CHRM2: variants seen among roughly 807,000 people sequenced by gnomAD.
CHRM2 encodes cholinergic receptor muscarinic 2.
CHRM2 carries 8 observed loss-of-function variants against 25.0 expected under a neutral mutation model. The observed-to-expected ratio is 0.32, with a 90% confidence interval of 0.19 to 0.58. CHRM2 has a LOEUF of 0.58. CHRM2 is among the 20% of genes least tolerant of loss of function. The pLI is 0.88. For missense variants in CHRM2, 440 were observed against 567.1 expected (o/e 0.78, Z 2.28); for synonymous variants, 202 against 205.7 (o/e 0.98, Z 0.15).
At chr7:136,952,197 G>A (rs1434867060) in intron 2 of CHRM2, among the ~76,000 whole-genome samples, 1 of 152,102 alleles carries the variant, frequency 6.6e-6, no homozygotes, top group Non-Finnish European at 1.5e-5. Flanking sequence ...ATTTGGAACA[G>A]GACAAATAAT....
In CHRM2 at chr7:136,932,912, C is replaced by T. The variant is rs541646231; in HGVS notation, c.-124-59275C>T. Reference sequence around the variant, plus strand: ...GGGCATGGTGGCGTGCACCTGTAGTCCCAGCTACTCAGGAGGCTGAGGCAG... The same window carrying T: ...GGGCATGGTGGCGTGCACCTGTAGTTCCAGCTACTCAGGAGGCTGAGGCAG... On this transcript the variant is annotated intron_variant, in intron 2 of 3. Coordinates refer to ENST00000680005, the MANE Select transcript of CHRM2 (RefSeq NM_001006630.2). Among the ~76,000 whole-genome samples the T allele has an allele frequency of 4.9e-3, 751 of 152,210 alleles. 6 individuals carry two copies. The highest frequency in any genetic ancestry group is 0.017 in the African/African-American group (703 of 41,534).
intron 2 of CHRM2, among the ~76,000 whole-genome samples, chr7:136,990,392 T>C (rs189227947): frequency 6.6e-6 from 1 of 152,266 alleles, no homozygotes; most frequent in East Asian, 1.9e-4. Context: ...TCCCTGGCAA[T>C]TTCTGCCCAC....
intron 2 of CHRM2, among the ~76,000 whole-genome samples, chr7:136,953,713 C>T (rs1183535427): frequency 2.9e-5 from 4 of 139,014 alleles, no homozygotes; most frequent in Non-Finnish European, 3.1e-5. Context: ...AGCAGGCATC[C>T]TATGCCTTAA....
intron 2 of CHRM2, among the ~76,000 whole-genome samples, chr7:136,969,793 T>C (rs1386687154): frequency 1.3e-5 from 2 of 152,230 alleles, no homozygotes; most frequent in African/African-American, 4.8e-5. Flanking sequence ...CATTATTGTT[T>C]CAAAACCAAT....
At chr7:136,936,120 C>T (rs1013340394) in intron 2 of CHRM2, among the ~76,000 whole-genome samples, 1 of 151,934 alleles carries the variant, frequency 6.6e-6, no homozygotes, top group East Asian at 1.9e-4. Flanking sequence ...GTTTGGGTAG[C>T]GGAGATATTT....
In CHRM2 at chr7:137,018,701, T is replaced by C. The variant is rs1805298427; in HGVS notation, c.*2435T>C. On this transcript the variant is annotated 3_prime_UTR_variant, in exon 4 of 4. Coordinates refer to ENST00000680005, the MANE Select transcript of CHRM2 (RefSeq NM_001006630.2). ...ATCCTTCCTTTTCCTCCCTCTGTTATTGATCCTTGCCACAGCCACTGCAAC... is the reference window on the plus strand; with the variant it reads ...ATCCTTCCTTTTCCTCCCTCTGTTACTGATCCTTGCCACAGCCACTGCAAC... The C allele has an allele frequency of 1.3e-5, 2 of 151,892 alleles. No homozygotes were observed. The highest frequency in any genetic ancestry group is 2.1e-4 in the South Asian group (1 of 4,828). The allele number at this position is 151,892 out of a possible 1,614,324, so 9.4% of individuals were successfully genotyped here. A position where few individuals can be genotyped will look rare whatever the true frequency, so the allele number is the denominator to read the frequency against.
intron 2 of CHRM2, among the ~76,000 whole-genome samples, chr7:136,883,658 T>G (rs1443709762): frequency 6.6e-6 from 1 of 152,168 alleles, no homozygotes; most frequent in Admixed American, 6.5e-5. Context: ...ATAAAAACTC[T>G]TTCTTTGTTA....
intron 3 of CHRM2, among the ~76,000 whole-genome samples, chr7:137,000,933 T>C (rs1254176430): frequency 1.3e-5 from 2 of 152,204 alleles, no homozygotes; most frequent in Non-Finnish European, 2.9e-5. Flanking sequence ...TAAGGGTTTG[T>C]TTTGTTTGAG....
chr7:136,902,669 T>C, intron 2 of CHRM2: 1 of 169,782 alleles, frequency 5.9e-6, no homozygotes, highest in Non-Finnish European at 1.2e-5. Context: ...AGCTAGGCCC[T>C]TAGAATTTGG....
At chr7:136,911,478 G>C (rs1797839555) in intron 2 of CHRM2, among the ~76,000 whole-genome samples, 2 of 151,848 alleles carry the variant, frequency 1.3e-5, no homozygotes, top group Admixed American at 1.3e-4. Context: ...ACTAGTTTCT[G>C]GCAGGGCTGG....
chr7:137,003,494 A>T (rs1275282138), intron 3 of CHRM2, among the ~76,000 whole-genome samples: 1,156 of 36,866 alleles, frequency 0.031, 24 homozygotes, highest in African/African-American at 0.082. Flanking sequence ...ACACACACAC[A>T]CACACACACA....
intron 3 of CHRM2, among the ~76,000 whole-genome samples, chr7:136,995,398 A>T (rs1450382017): frequency 6.6e-6 from 1 of 152,216 alleles, no homozygotes; most frequent in South Asian, 2.1e-4. Flanking sequence ...AACTTGAATA[A>T]GTAAAAAATA....
At chr7:136,904,121 G>A (rs930860504) in intron 2 of CHRM2, among the ~76,000 whole-genome samples, 1 of 151,500 alleles carries the variant, frequency 6.6e-6, no homozygotes, top group Non-Finnish European at 1.5e-5. Flanking sequence ...TTTAATTTTT[G>A]AGTTATCTTT....
intron 2 of CHRM2, among the ~76,000 whole-genome samples, chr7:136,985,647 A>T (rs900158158): frequency 6.6e-6 from 1 of 152,100 alleles, no homozygotes; most frequent in Non-Finnish European, 1.5e-5. Flanking sequence ...ATAAGAAAGG[A>T]CCTAGATTAG....
intron 2 of CHRM2, among the ~76,000 whole-genome samples, chr7:136,959,136 C>T (rs1800907986): frequency 6.6e-6 from 1 of 152,208 alleles, no homozygotes; most frequent in Non-Finnish European, 1.5e-5. Context: ...TTATCTCCTT[C>T]CTCTCCTTAG....
chr7:137,002,933 C>G (rs941900092), intron 3 of CHRM2, among the ~76,000 whole-genome samples: 3 of 151,958 alleles, frequency 2.0e-5, no homozygotes, highest in Non-Finnish European at 4.4e-5. Context: ...ATATTATGTG[C>G]CTTTTTAAAA....
intron 2 of CHRM2, chr7:136,870,277 A>C (rs1795768731): frequency 1.3e-5 from 2 of 150,674 alleles, no homozygotes; most frequent in African/African-American, 2.5e-5. Flanking sequence ...TGGAGTCCGC[A>C]CCTGAGGTCC....
chr7:136,894,879 G>A (rs556990000), intron 2 of CHRM2, among the ~76,000 whole-genome samples: 29 of 152,196 alleles, frequency 1.9e-4, no homozygotes, highest in African/African-American at 6.7e-4. Flanking sequence ...TGTCAGGTAG[G>A]GACATAAAAT....
At chr7:136,912,124 T>A (rs967323590) in intron 2 of CHRM2, among the ~76,000 whole-genome samples, 1 of 151,832 alleles carries the variant, frequency 6.6e-6, no homozygotes, top group African/African-American at 2.4e-5. Flanking sequence ...TTTATAGGAT[T>A]TTTTTTAATA....
Sources: allele counts gnomAD v4.1 joint callset (sites outside exome capture counted in the v4.1 genomes callset), GRCh38; gene constraint gnomAD v4.1.1; transcripts MANE v1.5; gene names NCBI Gene and HGNC (gene_info 2026-07-23, HGNC 2026-07-21).